FAM168A: variants seen among roughly 807,000 people sequenced by gnomAD.
FAM168A encodes family with sequence similarity 168 member A, also known as protein FAM168A.
In FAM168A, 3 loss-of-function variants were observed where a neutral mutation model predicts 28.5. The ratio of observed to expected loss-of-function variants is 0.11; its 90% CI spans 0.05 to 0.27. The LOEUF is 0.27. Ranked by LOEUF, FAM168A falls within the 10% of genes least tolerant of loss-of-function variation. The probability of loss-of-function intolerance (pLI) is 1.00; values close to 1 mark genes in which losing one functional copy is unlikely to be tolerated. For synonymous variants in FAM168A, 122 were observed against 124.2 expected (o/e 0.98, Z 0.12); for missense variants, 222 against 311.5 (o/e 0.71, Z 2.16).
In FAM168A at chr11:73,511,277, G is replaced by A. The variant is rs370859577; in HGVS notation, c.-18-42785C>T. Among the ~76,000 whole-genome samples the A allele has an allele frequency of 9.3e-5, 14 of 150,944 alleles. No individual in the cohort carries two copies. In the East Asian group the frequency reaches 2.1e-3, roughly 23 times the overall value. ...TTTTGAGATGGAGTCCAGCTCTGTC[G>A]CCCAGGCTGGAGTGCAGTGTGCGAT... On this transcript the variant is annotated intron_variant, in intron 1 of 7. Transcript: ENST00000356467.
At chr11:73,477,046 A>G (rs1374852525) in intron 1 of FAM168A, among the ~76,000 whole-genome samples, 1 of 152,148 alleles carries the variant, frequency 6.6e-6, no homozygotes, top group Non-Finnish European at 1.5e-5. Context: ...AACAAAAAAC[A>G]AAATCATGTT....
chr11:73,502,188 C>CAA (rs112282375), intron 1 of FAM168A, among the ~76,000 whole-genome samples: 48 of 144,564 alleles, frequency 3.3e-4, no homozygotes, highest in African/African-American at 6.6e-4. Context: ...AAAAAACCCT[C>CAA]AAAAAAAAAA....
intron 2 of FAM168A, 112 bp from the exon 3 acceptor site, chr11:73,430,882 T>C: frequency 1.2e-6 from 1 of 831,190 alleles, no homozygotes; most frequent in South Asian, 1.8e-5. Flanking sequence ...AGTCCTAGGT[T>C]TGGCGTTCAG....
chr11:73,548,176 T>C lies in FAM168A; in HGVS notation c.-19+49747A>G, dbSNP rs184934393. Among the ~76,000 whole-genome samples the C allele has an allele frequency of 3.6e-3, 552 of 152,278 alleles. 2 individuals are homozygous for C. Among genetic ancestry groups the C allele is most frequent in the African/African-American group, 0.013 (520 of 41,538 alleles). ...AGATCTGTTATGCAACAATGTAAAT[T>C]AGTTACTACTACTAAACTATACACT... On this transcript the variant is annotated intron_variant, in intron 1 of 7. Coordinates refer to ENST00000356467, the MANE Select transcript of FAM168A (RefSeq NM_015159.3).
At position 73,597,941 on chromosome 11, in the gene FAM168A, GA is replaced by G; in HGVS notation, c.-38del. 1 of 156,432 alleles carries G rather than the reference GA, an allele frequency of 6.4e-6. No homozygotes were observed. The highest frequency in any genetic ancestry group is 1.9e-4 in the South Asian group (1 of 5,314). 9.7% of individuals were successfully genotyped at this position (156,432 alleles called of 1,614,324 possible). On this transcript the variant is annotated 5_prime_UTR_variant, in exon 1 of 8. Transcript: ENST00000356467. The stretch of plus-strand genomic sequence containing the variant: ...TCCTCACCGGTGAGCAGCTGCAGGC[GA>G]AAACGGCGGCGGCGGCGGCTGAGGC...
chr11:73,579,992 T>C (rs1944224636), intron 1 of FAM168A, among the ~76,000 whole-genome samples: 1 of 152,206 alleles, frequency 6.6e-6, no homozygotes, highest in South Asian at 2.1e-4. Context: ...CTTTAAAATA[T>C]TTGCCTTGAT....
intron 2 of FAM168A, among the ~76,000 whole-genome samples, chr11:73,467,531 T>C (rs534402967): frequency 6.6e-6 from 1 of 152,232 alleles, no homozygotes; most frequent in South Asian, 2.1e-4. Context: ...CAAAGTCAAT[T>C]CCCCTTCCAG....
At position 73,528,119 on chromosome 11, in the gene FAM168A, G is replaced by T. The variant is rs191520715; in HGVS notation, c.-18-59627C>A. Among the ~76,000 whole-genome samples the T allele has an allele frequency of 3.7e-3, 565 of 152,180 alleles. 6 individuals are homozygous for T. Among genetic ancestry groups the T allele is most frequent in the Non-Finnish European group, 4.2e-3 (285 of 68,012 alleles). On this transcript the variant is annotated intron_variant, in intron 1 of 7. Coordinates refer to ENST00000356467, the MANE Select transcript of FAM168A (RefSeq NM_015159.3). ...TGATTAGCAAATCCTGACATTACTG[G>T]CCTCATCCAATACTTTTGATGAAAA...
intron 2 of FAM168A, among the ~76,000 whole-genome samples, chr11:73,445,419 CTTTTTTTTTTTTT>C (rs56294455): frequency 5.9e-4 from 30 of 50,458 alleles, no homozygotes; most frequent in East Asian, 3.5e-3. Context: ...AAAAATGTCT[CTTTTTTTTTTTTT>C]TTTTTTTTTT....
chr11:73,592,611 G>A (rs1486216821), intron 1 of FAM168A, among the ~76,000 whole-genome samples: 1 of 152,074 alleles, frequency 6.6e-6, no homozygotes, highest in East Asian at 1.9e-4. Flanking sequence ...AAGAGAAGGG[G>A]AGGGAGAAGA....
intron 1 of FAM168A, among the ~76,000 whole-genome samples, chr11:73,506,382 G>A (rs959877562): frequency 2.0e-5 from 3 of 151,410 alleles, no homozygotes; most frequent in African/African-American, 4.9e-5. Flanking sequence ...TGGTACTTAT[G>A]TGAAATAAGG....
At chr11:73,479,374 G>A (rs1489515328) in intron 1 of FAM168A, among the ~76,000 whole-genome samples, 1 of 149,328 alleles carries the variant, frequency 6.7e-6, no homozygotes, top group African/African-American at 2.4e-5. Context: ...GGATAATACA[G>A]GTTTCAAAAA....
intron 1 of FAM168A, among the ~76,000 whole-genome samples, chr11:73,531,968 C>T (rs1265008198): frequency 6.8e-6 from 1 of 146,854 alleles, no homozygotes; most frequent in Non-Finnish European, 1.5e-5. Context: ...TCATGCCTGG[C>T]TAATTTTTTT....
chr11:73,590,630 T>C (rs1218912554), intron 1 of FAM168A, among the ~76,000 whole-genome samples: 1 of 152,260 alleles, frequency 6.6e-6, no homozygotes, highest in East Asian at 1.9e-4. Context: ...ATGCTGGTTA[T>C]ACATTTTGTG....
chr11:73,589,181 T>C (rs1047789109), intron 1 of FAM168A, among the ~76,000 whole-genome samples: 3 of 152,194 alleles, frequency 2.0e-5, no homozygotes, highest in Non-Finnish European at 4.4e-5. Context: ...GACCAACGCA[T>C]AATGCTACAA....
In FAM168A at chr11:73,409,614, G is replaced by A; in HGVS notation, c.468C>T (p.Ile156=). Residue 156 remains isoleucine (I), a synonymous_variant, in exon 6 of 8, where the codon ATC becomes ATT. Coordinates refer to ENST00000356467, the MANE Select transcript of FAM168A (RefSeq NM_015159.3). ...TGGGCTGGACGACCGTGGTATGGTG[G>A]ATGACATGAGGCTGGGCAGCATACA... is the stretch of plus-strand genomic sequence containing the variant. ...QPVYAAQPHV[I]HHTTVVQPNS... The A allele has an allele frequency of 6.2e-7, 1 of 1,613,652 alleles. No homozygotes were observed. The highest frequency in any genetic ancestry group is 8.5e-7 in the Non-Finnish European group (1 of 1,179,722).
At chr11:73,565,845 CA>C (rs1944014803) in intron 1 of FAM168A, among the ~76,000 whole-genome samples, 1 of 152,106 alleles carries the variant, frequency 6.6e-6, no homozygotes, top group Admixed American at 6.6e-5. Context: ...ACTGTTTCAC[CA>C]GGCTCTTGCG....
intron 2 of FAM168A, among the ~76,000 whole-genome samples, chr11:73,457,542 T>C (rs766860618): frequency 3.3e-5 from 5 of 150,974 alleles, no homozygotes; most frequent in African/African-American, 9.7e-5. Context: ...TTAAACAACA[T>C]TGTGAATGTA....
At chr11:73,421,382 T>C (rs1866790612) in intron 3 of FAM168A, among the ~76,000 whole-genome samples, 1 of 152,230 alleles carries the variant, frequency 6.6e-6, no homozygotes, top group South Asian at 2.1e-4. Context: ...TATTGTAGGC[T>C]GACTCTGCAT....
Sources: allele counts gnomAD v4.1 joint callset (sites outside exome capture counted in the v4.1 genomes callset), GRCh38; gene constraint gnomAD v4.1.1; transcripts MANE v1.5; gene names NCBI Gene and HGNC (gene_info 2026-07-23, HGNC 2026-07-21).